PRKN: variants seen among roughly 807,000 people sequenced by gnomAD.
The protein encoded by PRKN is E3 ubiquitin-protein ligase parkin.
Under a neutral mutation model 59.5 loss-of-function variants are expected in PRKN, and 56 were observed. That is an observed-to-expected ratio of 0.94 (90% CI 0.76 to 1.18). The LOEUF is 1.18. PRKN is among the 50% of genes most tolerant of loss of function. The probability of loss-of-function intolerance (pLI) is 0.00; values close to 1 mark genes in which losing one functional copy is unlikely to be tolerated. For missense variants in PRKN, 657 were observed against 596.4 expected, an observed-to-expected ratio of 1.10 and a Z score of -1.06; for synonymous variants, 250 against 222.1, an observed-to-expected ratio of 1.13 and a Z score of -1.12.
chr6:162,250,988 T>G (rs1354559168), intron 3 of PRKN, among the ~76,000 whole-genome samples: 1 of 152,156 alleles, frequency 6.6e-6, no homozygotes, highest in Non-Finnish European at 1.5e-5. Flanking sequence ...TATCCCATCT[T>G]GGGACACTGA....
chr6:161,477,159 G>A (rs1791124662), intron 9 of PRKN, among the ~76,000 whole-genome samples: 1 of 152,212 alleles, frequency 6.6e-6, no homozygotes, highest in African/African-American at 2.4e-5. Context: ...GGCTTTAAAA[G>A]TATTAAAAAC....
intron 5 of PRKN, among the ~76,000 whole-genome samples, chr6:162,007,373 C>T (rs1363028927): frequency 1.3e-5 from 2 of 152,102 alleles, no homozygotes; most frequent in Non-Finnish European, 2.9e-5. Context: ...TAATAGCAGA[C>T]ACATTTCAGG....
Position 161,545,061 on chromosome 6 carries a change from A to T in PRKN, c.1083+3793T>A. On this transcript the variant is annotated intron_variant, in intron 9 of 11. Coordinates refer to ENST00000366898, the MANE Select transcript of PRKN (RefSeq NM_004562.3). This position sits in a 1 kb window ranked among gnomAD's most constrained non-coding sequence, Gnocchi z 4.1. ...AGAATCCTCTGGAGCCCAGAGCTCA[A>T]CACATGGGTGTCTAGCTCCGAACAA... is the stretch of plus-strand genomic sequence containing the variant. The T allele has an allele frequency of 1.3e-6, 1 of 796,624 alleles. No individual in the cohort carries two copies. The highest frequency in any genetic ancestry group is 3.1e-5 in the South Asian group (1 of 31,788). 49.3% of individuals were successfully genotyped at this position (796,624 alleles called of 1,614,324 possible).
chr6:162,549,184 C>T (rs1030872713), intron 1 of PRKN, among the ~76,000 whole-genome samples: 5 of 152,104 alleles, frequency 3.3e-5, no homozygotes, highest in African/African-American at 4.8e-5. Flanking sequence ...CCCCAGAAGA[C>T]GGCCATCTTC....
chr6:162,192,442 AT>A (rs10534285), intron 4 of PRKN, among the ~76,000 whole-genome samples: 2,281 of 74,194 alleles, frequency 0.031, 44 homozygotes, highest in East Asian at 0.19. Flanking sequence ...AATTATAGGG[AT>A]TTTTTTTTTT....
At chr6:161,888,716 C>G (rs1247949056) in intron 6 of PRKN, among the ~76,000 whole-genome samples, 1 of 152,158 alleles carries the variant, frequency 6.6e-6, no homozygotes, top group African/African-American at 2.4e-5. Context: ...ACTTCATACC[C>G]TCAGCTCAAT....
chr6:161,891,185 C>T (rs950439015), intron 6 of PRKN, among the ~76,000 whole-genome samples: 2 of 152,076 alleles, frequency 1.3e-5, no homozygotes, highest in African/African-American at 4.8e-5. Context: ...GAGGGTGTTC[C>T]GGAGGCGGAC....
chr6:161,412,329 T>C (rs1787611457), intron 9 of PRKN, among the ~76,000 whole-genome samples: 1 of 149,974 alleles, frequency 6.7e-6, no homozygotes, highest in Non-Finnish European at 1.5e-5. Context: ...CACTCACTCA[T>C]TCCTTCACTC....
At chr6:161,776,882 GAAT>G (rs376751898) in intron 7 of PRKN, among the ~76,000 whole-genome samples, 102 of 152,222 alleles carry the variant, frequency 6.7e-4, no homozygotes, top group African/African-American at 2.4e-3. Context: ...GTACAAATAA[GAAT>G]AATAATTTCT....
At chr6:162,137,504 T>C (rs911743422) in intron 4 of PRKN, among the ~76,000 whole-genome samples, 4 of 152,224 alleles carry the variant, frequency 2.6e-5, no homozygotes, top group African/African-American at 4.8e-5. Flanking sequence ...AACTGTTTTC[T>C]GACTGTCTCA....
rs1006460741 is a variant in PRKN at position 161,385,607 on chromosome 6, G to A, written c.1167+1187C>T. On this transcript the variant is annotated intron_variant, in intron 10 of 11. Transcript: ENST00000366898. This position sits in a 1 kb window ranked among gnomAD's most constrained non-coding sequence, Gnocchi z 4.9. Reference sequence around the variant, plus strand: ...ACTGTAGATGCCAGAGTATCACTTTGTGGAAGCCTCTGCCATGTTTGCAGT... The same window carrying A: ...ACTGTAGATGCCAGAGTATCACTTTATGGAAGCCTCTGCCATGTTTGCAGT... Among the ~76,000 whole-genome samples the A allele has an allele frequency of 4.6e-5, 7 of 152,126 alleles. No individual in the cohort carries two copies. The highest frequency in any genetic ancestry group is 2.6e-4 in the Admixed American group (4 of 15,270).
At chr6:161,856,975 G>A (rs972314332) in intron 6 of PRKN, among the ~76,000 whole-genome samples, 2 of 63,606 alleles carry the variant, frequency 3.1e-5, no homozygotes, top group Non-Finnish European at 6.9e-5. Flanking sequence ...GAGTAGTCCT[G>A]GCACAGTACT....
Position 161,773,491 on chromosome 6 carries a change from CATCTATCCATTT to C in PRKN, c.871+12269_871+12280del, listed in dbSNP as rs1174688426. 7.2e-5 allele frequency among the ~76,000 whole-genome samples: 11 copies of C among 152,244 alleles called. No homozygotes were observed. In the East Asian group the frequency reaches 1.7e-3, roughly 24 times the overall value. The stretch of plus-strand genomic sequence containing the variant: ...CAATCAATCAACCCATCCATCCATT[CATCTATCCATTT>C]ATCTATCTGCACATACACACTACAC... On this transcript the variant is annotated intron_variant, in intron 7 of 11. Coordinates refer to ENST00000366898, the MANE Select transcript of PRKN (RefSeq NM_004562.3).
chr6:162,380,233 G>A (rs2128140293), intron 2 of PRKN, among the ~76,000 whole-genome samples: 1 of 151,916 alleles, frequency 6.6e-6, no homozygotes, highest in African/African-American at 2.4e-5. Context: ...TTGAAATCAA[G>A]TATAGTGATA....
chr6:161,569,465 G>A (rs2115480383), intron 7 of PRKN, 49 bp from the exon 8 acceptor site: 1 of 1,480,998 alleles, frequency 6.8e-7, no homozygotes, highest in Non-Finnish European at 9.4e-7. Flanking sequence ...CACTCTGTGT[G>A]GTTATATGTT....
chr6:162,530,259 T>A (rs1778458026), intron 1 of PRKN, among the ~76,000 whole-genome samples: 1 of 152,142 alleles, frequency 6.6e-6, no homozygotes, highest in South Asian at 2.1e-4. Context: ...GAGAATTATC[T>A]TCATTTGTAT....
intron 6 of PRKN, among the ~76,000 whole-genome samples, chr6:161,805,324 C>T (rs1791261845): frequency 6.6e-6 from 1 of 152,090 alleles, no homozygotes; most frequent in African/African-American, 2.4e-5. Flanking sequence ...GTGCCTTTTC[C>T]AATATCCATC....
chr6:162,689,932 C>G (rs1473331252), intron 1 of PRKN, among the ~76,000 whole-genome samples: 1 of 152,080 alleles, frequency 6.6e-6, no homozygotes, highest in Non-Finnish European at 1.5e-5. Context: ...TGTGGGGTGA[C>G]CAATTTCAGA....
intron 4 of PRKN, among the ~76,000 whole-genome samples, chr6:162,192,312 C>T (rs1178830843): frequency 6.6e-6 from 1 of 151,970 alleles, no homozygotes; most frequent in East Asian, 1.9e-4. Context: ...GCTTGGTGTA[C>T]CTCATTGCCA....
Sources: gnomAD v4.1 joint callset for allele counts (sites outside exome capture counted in the v4.1 genomes callset) on GRCh38, gnomAD v4.1.1 for gene constraint, Gnocchi (gnomAD v3.1) non-coding constraint, MANE v1.5 for transcripts, NCBI Gene and HGNC (gene_info 2026-07-23, HGNC 2026-07-21) for gene names.